ARHGEF10L: variants seen among roughly 807,000 people sequenced by gnomAD.
The protein encoded by ARHGEF10L is Rho guanine nucleotide exchange factor 10 like.
In ARHGEF10L, 69 loss-of-function variants were observed where a neutral mutation model predicts 141.2. That is an observed-to-expected ratio of 0.49 (90% CI 0.40 to 0.60). The LOEUF (loss-of-function observed/expected upper bound fraction) is 0.60. ARHGEF10L is among the 20% of genes least tolerant of loss of function. The pLI is 0.00. For synonymous variants in ARHGEF10L, 711 were observed against 718.5 expected (o/e 0.99, Z 0.17); for missense variants, 1,482 against 1,734.3 (o/e 0.85, Z 2.58).
intron 1 of ARHGEF10L, among the ~76,000 whole-genome samples, chr1:17,542,959 C>G (rs2076782750): frequency 6.6e-6 from 1 of 152,220 alleles, no homozygotes. Context: ...TTCTTGCCCT[C>G]AAGGGGTCTA....
chr1:17,601,188 T>C (rs1316898609), intron 4 of ARHGEF10L, among the ~76,000 whole-genome samples: 2 of 152,208 alleles, frequency 1.3e-5, no homozygotes, highest in African/African-American at 2.4e-5. Context: ...ACTGGGGTTA[T>C]GCGTTTTGGA....
chr1:17,638,449 A>G (rs966451056), intron 19 of ARHGEF10L, 113 bp from the exon 20 acceptor site: 11 of 1,479,110 alleles, frequency 7.4e-6, no homozygotes, highest in Non-Finnish European at 1.0e-5. Context: ...GTGAGGCTCC[A>G]GGACTTCTTC....
intron 22 of ARHGEF10L, among the ~76,000 whole-genome samples, chr1:17,653,414 C>T (rs2062045625): frequency 6.6e-6 from 1 of 152,226 alleles, no homozygotes; most frequent in African/African-American, 2.4e-5. Flanking sequence ...CGACCCGGCT[C>T]TGTTGACTCA....
chr1:17,555,131 G>A (rs1056209333), intron 1 of ARHGEF10L, among the ~76,000 whole-genome samples: 8 of 152,166 alleles, frequency 5.3e-5, no homozygotes, highest in Non-Finnish European at 1.0e-4. Flanking sequence ...CTTTAGCTGC[G>A]TCATGGTTTA....
At chr1:17,562,432 A>AAG (rs139659508) in intron 1 of ARHGEF10L, among the ~76,000 whole-genome samples, 8,247 of 152,150 alleles carry the variant, frequency 0.054, 265 homozygotes, top group Non-Finnish European at 0.065. Context: ...AACAAACAAA[A>AAG]AGAGTGGGGA....
chr1:17,577,017 CT>C (rs1557728578), intron 1 of ARHGEF10L, among the ~76,000 whole-genome samples: 1 of 152,178 alleles, frequency 6.6e-6, no homozygotes, highest in Non-Finnish European at 1.5e-5. Flanking sequence ...TATTAGTTCT[CT>C]TTTTAAAGAT....
At chr1:17,557,698 T>TA (rs1445025731) in intron 1 of ARHGEF10L, among the ~76,000 whole-genome samples, 1 of 152,226 alleles carries the variant, frequency 6.6e-6, no homozygotes, top group East Asian at 1.9e-4. Context: ...TGGAATGGCC[T>TA]AGGCCCAGGG....
chr1:17,609,348 G>A (rs1180259376), intron 7 of ARHGEF10L, among the ~76,000 whole-genome samples: 2 of 152,208 alleles, frequency 1.3e-5, no homozygotes, highest in African/African-American at 4.8e-5. Context: ...CTGTTTCCAG[G>A]GATGGGCCTC....
At chr1:17,667,853 G>T (rs529284745) in intron 26 of ARHGEF10L, among the ~76,000 whole-genome samples, 6 of 152,280 alleles carry the variant, frequency 3.9e-5, no homozygotes, top group African/African-American at 1.4e-4. Flanking sequence ...CTGGGGAGGC[G>T]TCATTGAAGA....
chr1:17,666,209 C>T (rs1244188437), intron 26 of ARHGEF10L, among the ~76,000 whole-genome samples: 1 of 152,208 alleles, frequency 6.6e-6, no homozygotes, highest in African/African-American at 2.4e-5. Flanking sequence ...ATCTGGGCTC[C>T]TCGTGGCTCA....
At position 17,615,935 on chromosome 1, in the gene ARHGEF10L, C is replaced by T. The variant is rs1252188411; in HGVS notation, c.727-159C>T. 4.7e-6 allele frequency: 3 copies of T among 640,630 alleles called. No individual in the cohort carries two copies. The highest frequency in any genetic ancestry group is 8.5e-6 in the Non-Finnish European group (3 of 351,188). 39.7% of individuals were successfully genotyped at this position (640,630 alleles called of 1,614,324 possible). A position where few individuals can be genotyped will look rare whatever the true frequency, so the allele number is the denominator to read the frequency against. On this transcript the variant is annotated intron_variant, in intron 8 of 28. Transcript: ENST00000361221. The surrounding 1 kb of genome is among the most constrained non-coding windows in gnomAD (Gnocchi z 4.7). Reference sequence around the variant, plus strand: ...ATCCCCGGGCATGAACGCACCTTCTCACCCCCACTGTCGTCCTTGGCCTTT... The same window carrying T: ...ATCCCCGGGCATGAACGCACCTTCTTACCCCCACTGTCGTCCTTGGCCTTT...
chr1:17,624,287 C>T (rs922050764), intron 12 of ARHGEF10L, 100 bp from the exon 13 acceptor site: 2 of 885,326 alleles, frequency 2.3e-6, no homozygotes, highest in Admixed American at 3.4e-5. Flanking sequence ...CGCCCTTCTG[C>T]TCCCTGCCTT....
At chr1:17,665,970 A>C (rs979434957) in intron 26 of ARHGEF10L, among the ~76,000 whole-genome samples, 5 of 152,140 alleles carry the variant, frequency 3.3e-5, no homozygotes, top group Admixed American at 3.3e-4. Context: ...CTGAGACCCC[A>C]AAAGAGCTGA....
In ARHGEF10L at chr1:17,654,939, G is replaced by A. The variant is rs751760221; in HGVS notation, c.2481+217G>A. On this transcript the variant is annotated intron_variant, in intron 23 of 28. Coordinates refer to ENST00000361221, the MANE Select transcript of ARHGEF10L (RefSeq NM_018125.4). The surrounding 1 kb of genome is among the most constrained non-coding windows in gnomAD (Gnocchi z 4.3). ...CAACAGAAAACCAGGGAGCTAAAAAGAGAGTGTGCCTTTTGCAAATGGTGA... is the reference window on the plus strand; with the variant it reads ...CAACAGAAAACCAGGGAGCTAAAAAAAGAGTGTGCCTTTTGCAAATGGTGA... 4.6e-5 allele frequency among the ~76,000 whole-genome samples: 7 copies of A among 152,228 alleles called. No individual in the cohort carries two copies. The highest frequency in any genetic ancestry group is 8.8e-5 in the Non-Finnish European group (6 of 68,036).
the ARHGEF10L span, among the ~76,000 whole-genome samples, chr1:17,527,058 T>A: frequency 1.3e-5 from 2 of 152,212 alleles, no homozygotes; most frequent in African/African-American, 4.8e-5. Flanking sequence ...CTCTTCTTCA[T>A]TTTCTTGAAA....
chr1:17,514,618 G>A, the ARHGEF10L span, among the ~76,000 whole-genome samples: 1 of 152,178 alleles, frequency 6.6e-6, no homozygotes, highest in African/African-American at 2.4e-5. Flanking sequence ...AATGAATTGG[G>A]ACACCCCTTT....
At chr1:17,579,058 T>C (rs1345955590) in intron 1 of ARHGEF10L, among the ~76,000 whole-genome samples, 1 of 152,144 alleles carries the variant, frequency 6.6e-6, no homozygotes, top group Non-Finnish European at 1.5e-5. Flanking sequence ...TCTTGCTCTG[T>C]TTCCCAGACT....
intron 22 of ARHGEF10L, among the ~76,000 whole-genome samples, chr1:17,652,924 A>C (rs574756275): frequency 1.3e-5 from 2 of 152,248 alleles, no homozygotes; most frequent in South Asian, 4.2e-4. Flanking sequence ...CTTGACCTTC[A>C]CCAACCTCAG....
chr1:17,617,573 G>T (rs551787960), intron 9 of ARHGEF10L, among the ~76,000 whole-genome samples: 3 of 152,348 alleles, frequency 2.0e-5, no homozygotes, highest in African/African-American at 7.2e-5. Flanking sequence ...TGGAATTCTG[G>T]GATGCCAGTT....
Sources: gnomAD v4.1 joint callset for allele counts (sites outside exome capture counted in the v4.1 genomes callset) on GRCh38, gnomAD v4.1.1 for gene constraint, Gnocchi (gnomAD v3.1) non-coding constraint, MANE v1.5 for transcripts, NCBI Gene and HGNC (gene_info 2026-07-23, HGNC 2026-07-21) for gene names.